Variants in TSG101 observed in about 807,000 individuals in gnomAD.
The protein encoded by TSG101 is tumor susceptibility gene 101 protein.
TSG101 carries 19 observed loss-of-function variants against 48.5 expected under a neutral mutation model. The ratio of observed to expected loss-of-function variants is 0.39; its 90% CI spans 0.27 to 0.58. The LOEUF is 0.58. TSG101 is among the 20% of genes least tolerant of loss of function. TSG101 has a pLI of 0.55. For synonymous variants in TSG101, 174 were observed against 169.4 expected (o/e 1.03, Z -0.21); for missense variants, 365 against 484.4 (o/e 0.75, Z 2.31).
chr11:18,485,155 ATCAACAAACTCTG>A (rs1016903377), intron 7 of TSG101, among the ~76,000 whole-genome samples: 4 of 152,100 alleles, frequency 2.6e-5, no homozygotes, highest in East Asian at 1.9e-4. Context: ...TACCAAAACC[ATCAACAAACTCTG>A]TCAACAAACT....
chr11:18,483,802 A>T, intron 8 of TSG101, 68 bp downstream of exon 8: 1 of 1,521,484 alleles, frequency 6.6e-7, no homozygotes, highest in South Asian at 1.1e-5. Flanking sequence ...CATCCAGGGA[A>T]CATATAGAAC....
chr11:18,509,712 G>GT (rs1436083160), intron 4 of TSG101, 47 bp from the exon 5 acceptor site: 1 of 1,517,206 alleles, frequency 6.6e-7, no homozygotes, highest in African/African-American at 1.4e-5. Flanking sequence ...TTGCTTTTCA[G>GT]TAAAAAGAAA....
At chr11:18,516,760 G>A (rs1380625918) in intron 2 of TSG101, among the ~76,000 whole-genome samples, 2 of 151,764 alleles carry the variant, frequency 1.3e-5, no homozygotes, top group African/African-American at 4.8e-5. Context: ...TGACCAACAT[G>A]GAGAAACCCC....
At chr11:18,495,377 T>C (rs1339622598) in intron 7 of TSG101, among the ~76,000 whole-genome samples, 2 of 152,218 alleles carry the variant, frequency 1.3e-5, no homozygotes, top group African/African-American at 4.8e-5. Flanking sequence ...ATCATCTATA[T>C]AGCTTTTTAA....
At chr11:18,489,613 C>CAGTT (rs1461548432) in intron 7 of TSG101, among the ~76,000 whole-genome samples, 1 of 152,172 alleles carries the variant, frequency 6.6e-6, no homozygotes, top group African/African-American at 2.4e-5. Context: ...TGTCATAAGC[C>CAGTT]AGTTATCTGC....
intron 4 of TSG101, among the ~76,000 whole-genome samples, chr11:18,510,614 T>C (rs1850063255): frequency 2.0e-5 from 3 of 152,272 alleles, no homozygotes; most frequent in African/African-American, 7.2e-5. Context: ...ACACCTGTAA[T>C]CCCAGCACTT....
At chr11:18,523,140 T>C (rs745930489) in intron 1 of TSG101, among the ~76,000 whole-genome samples, 2 of 152,118 alleles carry the variant, frequency 1.3e-5, no homozygotes, top group Non-Finnish European at 2.9e-5. Flanking sequence ...TGTGATCCTC[T>C]AGCTTCCGCC....
intron 6 of TSG101, among the ~76,000 whole-genome samples, chr11:18,503,330 T>G (rs752932400): frequency 2.0e-5 from 3 of 152,150 alleles, no homozygotes; most frequent in Admixed American, 1.3e-4. Flanking sequence ...ATTTGAGAAC[T>G]TCTAACATTT....
intron 4 of TSG101, among the ~76,000 whole-genome samples, chr11:18,513,747 T>A (rs530659771): frequency 4.0e-4 from 61 of 152,340 alleles, no homozygotes; most frequent in Admixed American, 2.5e-3. Context: ...TAAGGCCCTT[T>A]GCCCAGATTC....
At chr11:18,523,793 C>G (rs1207988093) in intron 1 of TSG101, among the ~76,000 whole-genome samples, 1 of 152,210 alleles carries the variant, frequency 6.6e-6, no homozygotes, top group Non-Finnish European at 1.5e-5. Flanking sequence ...TGAGCCATTG[C>G]ACCTGGCCAA....
At chr11:18,505,428 A>G (rs1248735035) in intron 6 of TSG101, among the ~76,000 whole-genome samples, 1 of 150,600 alleles carries the variant, frequency 6.6e-6, no homozygotes, top group Admixed American at 6.6e-5. Flanking sequence ...GCTAATTTTA[A>G]TTTTTTTTGT....
intron 1 of TSG101, among the ~76,000 whole-genome samples, chr11:18,523,862 C>G (rs1850321921): frequency 6.6e-6 from 1 of 152,204 alleles, no homozygotes; most frequent in South Asian, 2.1e-4. Context: ...TCTGTCATAG[C>G]TCACTGTAAC....
Position 18,519,530 on chromosome 11 carries a change from A to C in TSG101, c.116T>G (p.Leu39Trp), listed in dbSNP as rs1850233390. 6.2e-7 allele frequency: 1 copy of C among 1,610,950 alleles called. No homozygotes were observed. Among genetic ancestry groups the C allele is most frequent in the East Asian group, 2.2e-5 (1 of 44,736 alleles). The change falls in exon 2 of 10, where the codon TTG becomes TGG. Residue 39 changes from leucine (L) to tryptophan (W), a missense_variant. By Grantham distance (61) the Leu-to-Trp change is moderately conservative. Transcript: ENST00000251968. ...CTGCATAAACTCACCATATGAATCC[A>C]AAACAGGTTTGAGATCTTTGTATAG... ...ITLYKDLKPV[L>W]DSYVFNDGSS... is the part of the protein sequence containing the mutation.
chr11:18,481,994 T>A, intron 8 of TSG101, 125 bp from the exon 9 acceptor site: 1 of 1,317,694 alleles, frequency 7.6e-7, no homozygotes, highest in Non-Finnish European at 1.0e-6. Context: ...ATGAGAATAA[T>A]GTTTCAAATA....
rs932229359 is a variant in TSG101, at chr11:18,502,642, C to A, written c.549-65G>T. The A allele has an allele frequency of 5.5e-6, 7 of 1,278,398 alleles. No homozygotes were observed. In the Admixed American group the frequency reaches 1.3e-4, roughly 24 times the overall value. The allele number at this position is 1,278,398 out of a possible 1,614,324, so 79.2% of individuals were successfully genotyped here. A position where few individuals can be genotyped will look rare whatever the true frequency, so the allele number is the denominator to read the frequency against. ...CCCAACCTTATAGTATTTTGAAGAA[C>A]CCCATTCAGGAAGTTAAGCTTGACA... On this transcript the variant is annotated intron_variant, in intron 6 of 9. Coordinates refer to ENST00000251968, the MANE Select transcript of TSG101 (RefSeq NM_006292.4).
chr11:18,518,440 T>C (rs974449402), intron 2 of TSG101, among the ~76,000 whole-genome samples: 2 of 152,202 alleles, frequency 1.3e-5, no homozygotes, highest in Non-Finnish European at 2.9e-5. Flanking sequence ...CCCTCGGCCC[T>C]GGCATATTAT....
intron 7 of TSG101, among the ~76,000 whole-genome samples, chr11:18,498,110 C>A (rs1026451767): frequency 1.3e-5 from 2 of 152,022 alleles, no homozygotes; most frequent in African/African-American, 4.8e-5. Flanking sequence ...GTGGTGGCAG[C>A]AAATTGGTAA....
At position 18,526,048 on chromosome 11, in the gene TSG101, AC is replaced by A. The variant is rs113009086; in HGVS notation, c.42+726del. 1.2e-3 allele frequency among the ~76,000 whole-genome samples: 185 copies of A among 152,040 alleles called. 4 individuals are homozygous for A. The highest frequency in any genetic ancestry group is 4.3e-3 in the African/African-American group (177 of 41,456). ...AACAAAACATAACAAAAGCCATTCCACTCTGGTGTGAGGTGCCACGTTTGAA... is the reference window on the plus strand; with the variant it reads ...AACAAAACATAACAAAAGCCATTCCATCTGGTGTGAGGTGCCACGTTTGAA... On this transcript the variant is annotated intron_variant, in intron 1 of 9. Coordinates refer to ENST00000251968, the MANE Select transcript of TSG101 (RefSeq NM_006292.4).
chr11:18,505,879 G>A (rs1465834961), intron 6 of TSG101, among the ~76,000 whole-genome samples: 3 of 151,944 alleles, frequency 2.0e-5, no homozygotes, highest in Non-Finnish European at 2.9e-5. Context: ...GTGTAATGGC[G>A]CGATCTCGGC....
Sources: gnomAD v4.1 joint callset for allele counts (sites outside exome capture counted in the v4.1 genomes callset) on GRCh38, gnomAD v4.1.1 for gene constraint, MANE v1.5 for transcripts, NCBI Gene and HGNC (gene_info 2026-07-23, HGNC 2026-07-21) for gene names.